AGMO: variants seen among roughly 807,000 people sequenced by gnomAD.
The protein encoded by AGMO is alkylglycerol monooxygenase.
A neutral mutation model predicts 60.2 loss-of-function variants in AGMO; 75 were observed. That is an observed-to-expected ratio of 1.25 (90% confidence interval 1.03 to 1.51). The LOEUF (loss-of-function observed/expected upper bound fraction) is 1.51, where lower values mean the gene tolerates loss of function less well. AGMO is among the 40% of genes most tolerant of loss of function. The pLI is 0.00. For missense variants in AGMO, 763 were observed against 525.5 expected (o/e 1.45, Z -4.42); for synonymous variants, 261 against 177.1 (o/e 1.47, Z -3.76).
At chr7:15,327,628 C>A (rs1168250830) in intron 12 of AGMO, among the ~76,000 whole-genome samples, 1 of 150,972 alleles carries the variant, frequency 6.6e-6, no homozygotes, top group Non-Finnish European at 1.5e-5. Flanking sequence ...GAACTATAAA[C>A]GACAATGGGA....
At chr7:15,135,444 A>G in the AGMO span, among the ~76,000 whole-genome samples, 1 of 152,146 alleles carries the variant, frequency 6.6e-6, no homozygotes, top group Non-Finnish European at 1.5e-5. Flanking sequence ...TAAATGAAAC[A>G]GCCATATATT....
At chr7:15,398,477 C>G (rs182698955) in intron 5 of AGMO, among the ~76,000 whole-genome samples, 1 of 152,222 alleles carries the variant, frequency 6.6e-6, no homozygotes, top group East Asian at 1.9e-4. Flanking sequence ...AGAGATGATT[C>G]ATCATTCTGA....
In AGMO at chr7:15,233,550, G is replaced by GTT. The variant is rs113478897; in HGVS notation, c.1264-32193_1264-32192dup. Among the ~76,000 whole-genome samples the GTT allele has an allele frequency of 7.6e-3, 1,133 of 148,570 alleles. 8 individuals are homozygous for GTT. The highest frequency in any genetic ancestry group is 0.025 in the African/African-American group (1,004 of 40,366). On this transcript the variant is annotated intron_variant, in intron 12 of 12. Transcript: ENST00000342526. ...TATTGCTTAATGGTTACAGAGAGTT[G>GTT]TTTTTTTTTTTCCCCCCTTTGGATG...
chr7:15,399,190 A>G lies in AGMO; in HGVS notation c.610-5011T>C, dbSNP rs368959819. ...TTCTCGGTCTTACAACTTGAGAACT[A>G]TGGATGCCTAGAAGGGCCATGAAGG... On this transcript the variant is annotated intron_variant, in intron 5 of 12. Coordinates refer to ENST00000342526, the MANE Select transcript of AGMO (RefSeq NM_001004320.2). Among the ~76,000 whole-genome samples, 50 of 152,272 alleles carry G rather than the reference A, an allele frequency of 3.3e-4. No homozygotes were observed. The East Asian group carries it at 9.5e-3, about 29-fold the overall frequency.
chr7:15,393,336 G>C (rs188677399), intron 6 of AGMO, among the ~76,000 whole-genome samples: 1 of 152,144 alleles, frequency 6.6e-6, no homozygotes, highest in Non-Finnish European at 1.5e-5. Flanking sequence ...ATTTACTTAT[G>C]TATTCATTTT....
intron 12 of AGMO, among the ~76,000 whole-genome samples, chr7:15,237,846 T>C (rs932267102): frequency 7.9e-5 from 12 of 152,090 alleles, no homozygotes; most frequent in Non-Finnish European, 1.8e-4. Context: ...TGTAAATTAT[T>C]TCTCTGCCCC....
At chr7:15,378,589 A>G (rs975166676) in intron 10 of AGMO, among the ~76,000 whole-genome samples, 7 of 151,928 alleles carry the variant, frequency 4.6e-5, no homozygotes, top group Non-Finnish European at 1.0e-4. Flanking sequence ...CTCCCACACA[A>G]TAATAGTGGG....
intron 3 of AGMO, among the ~76,000 whole-genome samples, chr7:15,527,537 G>A (rs1784158228): frequency 6.6e-6 from 1 of 152,140 alleles, no homozygotes; most frequent in Non-Finnish European, 1.5e-5. Context: ...TAAAATAAAA[G>A]CACAAGACAA....
chr7:15,326,901 T>G (rs2128542489), intron 12 of AGMO, among the ~76,000 whole-genome samples: 1 of 152,296 alleles, frequency 6.6e-6, no homozygotes, highest in Non-Finnish European at 1.5e-5. Flanking sequence ...ATTACCAAAC[T>G]AGAGATCCAG....
At chr7:15,384,408 T>A (rs1783828067) in intron 10 of AGMO, among the ~76,000 whole-genome samples, 1 of 152,240 alleles carries the variant, frequency 6.6e-6, no homozygotes, top group African/African-American at 2.4e-5. Context: ...TCATATATTG[T>A]CAACATTTTT....
In AGMO at chr7:15,560,186, T is replaced by C; in HGVS notation, c.212A>G (p.Asp71Gly). The change falls in exon 2 of 13, where the codon GAT becomes GGT. Residue 71 changes from aspartate to glycine, a missense_variant. Asp to Gly is a moderately conservative substitution (Grantham distance 94). Coordinates refer to ENST00000342526, the MANE Select transcript of AGMO (RefSeq NM_001004320.2). ...LKGKPPGRLD[D>G]ALTSISAGVL... ...ACCAGCTGAGATTGACGTTAAAGCA[T>C]CATCCAGGCGACCTGGTGGCTTTCC... is the stretch of plus-strand genomic sequence containing the variant. 6.2e-7 allele frequency: 1 copy of C among 1,613,204 alleles called. No homozygotes were observed. Among genetic ancestry groups the C allele is most frequent in the Non-Finnish European group, 8.5e-7 (1 of 1,179,338 alleles).
At chr7:15,455,563 T>C (rs11773289) in intron 3 of AGMO, among the ~76,000 whole-genome samples, 20,283 of 152,158 alleles carry the variant, frequency 0.13, 1,457 homozygotes, top group Non-Finnish European at 0.15. Context: ...TATTTATTCC[T>C]CCTTGTCTTG....
chr7:15,481,120 C>T (rs920942395), intron 3 of AGMO, among the ~76,000 whole-genome samples: 1 of 151,894 alleles, frequency 6.6e-6, no homozygotes, highest in African/African-American at 2.4e-5. Flanking sequence ...AGAAAAATTA[C>T]TTGTAGATTT....
At chr7:15,119,040 T>G in the AGMO span, among the ~76,000 whole-genome samples, 1 of 151,206 alleles carries the variant, frequency 6.6e-6, no homozygotes, top group South Asian at 2.1e-4. Context: ...GAGTGGAAAA[T>G]TGATTGATAT....
At chr7:15,175,949 C>T in the AGMO span, among the ~76,000 whole-genome samples, 2 of 151,678 alleles carry the variant, frequency 1.3e-5, no homozygotes, top group South Asian at 2.1e-4. Flanking sequence ...TATACATCAC[C>T]GAGCAGATTT....
the AGMO span, among the ~76,000 whole-genome samples, chr7:15,170,442 T>A: frequency 6.6e-6 from 1 of 152,158 alleles, no homozygotes; most frequent in African/African-American, 2.4e-5. Context: ...ATACCCACAA[T>A]CAAGGAATAA....
intron 10 of AGMO, among the ~76,000 whole-genome samples, chr7:15,374,895 G>C (rs1047224320): frequency 2.6e-5 from 4 of 152,066 alleles, no homozygotes; most frequent in African/African-American, 9.7e-5. Context: ...TGTCGGTCAA[G>C]TCTTTAGCAA....
chr7:15,403,330 A>G (rs1784604462), intron 5 of AGMO, among the ~76,000 whole-genome samples: 1 of 151,960 alleles, frequency 6.6e-6, no homozygotes, highest in Non-Finnish European at 1.5e-5. Flanking sequence ...TTTCTTGCTC[A>G]TAAATTTCTT....
At chr7:15,326,314 A>G (rs7781413) in intron 12 of AGMO, among the ~76,000 whole-genome samples, 48,111 of 152,058 alleles carry the variant, frequency 0.32, 8,377 homozygotes, top group East Asian at 0.51. Context: ...ACATATAATC[A>G]GTTTAACCTG....
Sources: gnomAD v4.1 joint callset for allele counts (sites outside exome capture counted in the v4.1 genomes callset) on GRCh38, gnomAD v4.1.1 for gene constraint, MANE v1.5 for transcripts, NCBI Gene and HGNC (gene_info 2026-07-23, HGNC 2026-07-21) for gene names.